DNAL1: variants seen among roughly 807,000 people sequenced by gnomAD.
The protein encoded by DNAL1 is chromosome 14 open reading frame 168.
A neutral mutation model predicts 29.4 loss-of-function variants in DNAL1; 17 were observed. The observed-to-expected ratio is 0.58, with a 90% CI of 0.40 to 0.87. The LOEUF is 0.87. Among genes scored for constraint, DNAL1 ranks in the 40% least tolerant of loss-of-function variants. The pLI, the probability that DNAL1 is intolerant of heterozygous loss-of-function variation, is 0.00. For missense variants in DNAL1, 188 were observed against 214.1 expected, an observed-to-expected ratio of 0.88 and a Z score of 0.76; for synonymous variants, 78 against 76.3, an observed-to-expected ratio of 1.02 and a Z score of -0.12.
At chr14:73,664,137 C>T (rs1430410046) in intron 4 of DNAL1, among the ~76,000 whole-genome samples, 2 of 152,214 alleles carry the variant, frequency 1.3e-5, no homozygotes, top group African/African-American at 4.8e-5. Context: ...CTTATCTGTG[C>T]AGGTGCAGCC....
intron 5 of DNAL1, among the ~76,000 whole-genome samples, chr14:73,684,677 T>G (rs1891970171): frequency 6.6e-6 from 1 of 152,138 alleles, no homozygotes; most frequent in African/African-American, 2.4e-5. Flanking sequence ...CAGGATTGCT[T>G]GAGGCCAGGA....
At chr14:73,670,767 C>T (rs1008097256) in intron 4 of DNAL1, among the ~76,000 whole-genome samples, 2 of 150,466 alleles carry the variant, frequency 1.3e-5, no homozygotes, top group East Asian at 1.9e-4. Flanking sequence ...GATGGATTCT[C>T]GCTCTGTCGC....
At chr14:73,686,436 T>C (rs1892020359) in intron 5 of DNAL1, among the ~76,000 whole-genome samples, 1 of 152,210 alleles carries the variant, frequency 6.6e-6, no homozygotes, top group Non-Finnish European at 1.5e-5. Context: ...CTGGGCACAG[T>C]GGCTCATGCC....
At chr14:73,690,647 C>G (rs1434549390) in intron 7 of DNAL1, among the ~76,000 whole-genome samples, 1 of 147,788 alleles carries the variant, frequency 6.8e-6, no homozygotes. Context: ...AGCGAAACTC[C>G]GTCTCAAAAA....
At chr14:73,646,266 T>G (rs1021131380) in intron 1 of DNAL1, among the ~76,000 whole-genome samples, 2 of 152,330 alleles carry the variant, frequency 1.3e-5, no homozygotes, top group South Asian at 4.1e-4. Context: ...CAGTTATAAG[T>G]CACTTAATGA....
At chr14:73,691,852 C>A (rs1008720586) in intron 7 of DNAL1, among the ~76,000 whole-genome samples, 31 of 140,670 alleles carry the variant, frequency 2.2e-4, no homozygotes, top group Non-Finnish European at 4.3e-4. Flanking sequence ...CGCCACCCCC[C>A]CCCCCCAGCT....
chr14:73,696,021 A>T lies in DNAL1; in HGVS notation c.*79A>T. 1 of 1,356,454 alleles carries T rather than the reference A, an allele frequency of 7.4e-7. No homozygotes were observed. The highest frequency in any genetic ancestry group is 1.0e-6 in the Non-Finnish European group (1 of 987,682). The allele number at this position is 1,356,454 out of a possible 1,614,324, so 84.0% of individuals were successfully genotyped here. ...TAAATTTTATATAATTGTCTATTTTAAAGATTCTGTATGGGACAAAAGTTT... is the reference window on the plus strand; with the variant it reads ...TAAATTTTATATAATTGTCTATTTTTAAGATTCTGTATGGGACAAAAGTTT... On this transcript the variant is annotated 3_prime_UTR_variant, in exon 8 of 8. Transcript: ENST00000553645.
chr14:73,687,936 A>G (rs1199898464), intron 6 of DNAL1, among the ~76,000 whole-genome samples: 1 of 152,192 alleles, frequency 6.6e-6, no homozygotes, highest in Non-Finnish European at 1.5e-5. Flanking sequence ...ATGTATACAT[A>G]CGTAACAAAC....
At chr14:73,649,741 T>G (rs1369987114) in intron 1 of DNAL1, among the ~76,000 whole-genome samples, 4 of 152,166 alleles carry the variant, frequency 2.6e-5, no homozygotes, top group African/African-American at 9.7e-5. Context: ...AATTGTTACC[T>G]TCTAATATAC....
chr14:73,652,153 A>G (rs1891126567), intron 1 of DNAL1, among the ~76,000 whole-genome samples: 1 of 152,058 alleles, frequency 6.6e-6, no homozygotes, highest in African/African-American at 2.4e-5. Flanking sequence ...CTCCCGCCTC[A>G]GCCCCTGCCC....
Position 73,658,876 on chromosome 14 carries a change from A to T in DNAL1, c.72A>T (p.Glu24Asp). 2 of 1,603,704 alleles carry T rather than the reference A, an allele frequency of 1.2e-6. No homozygotes were observed. The highest frequency in any genetic ancestry group is 4.5e-5 in the East Asian group (2 of 44,394). ...WEEKTGQRPS[E>D]AKEIKLYAQI... ...AGAAAACTGGCCAGAGGCCATCTGA[A>T]GCCAAAGAGATAAAACTTTATGCCC... is the stretch of plus-strand genomic sequence containing the variant. The change falls in exon 3 of 8, where the codon GAA (glutamate) becomes GAT (aspartate). Residue 24 changes from glutamate (E) to aspartate (D), a missense_variant. Coordinates refer to ENST00000553645, the MANE Select transcript of DNAL1 (RefSeq NM_031427.4).
chr14:73,655,023 C>A, intron 2 of DNAL1, 138 bp downstream of exon 2: 1 of 817,900 alleles, frequency 1.2e-6, no homozygotes, highest in Non-Finnish European at 1.9e-6. Flanking sequence ...GTGGTGGATG[C>A]ATGAACTTAC....
rs762585015 is a variant in DNAL1 at position 73,654,851 on chromosome 14, A to C, written c.8A>C (p.Lys3Thr). The change falls in exon 2 of 8, where the codon AAA (lysine) becomes ACA (threonine). Residue 3 changes from lysine (K) to threonine (T), a missense_variant. By Grantham distance (78) the Lys-to-Thr change is moderately conservative (BLOSUM62 -1). Transcript: ENST00000553645. ...TTCTTTTTTTTTTTTTTAAAGGCGA[A>C]AGCAACAACAATCAAAGAAGCCTTA... MA[K>T]ATTIKEALAR... 5.9e-6 allele frequency: 9 copies of C among 1,524,216 alleles called. No individual in the cohort carries two copies. Among genetic ancestry groups the C allele is most frequent in the Non-Finnish European group, 7.9e-6 (9 of 1,140,220 alleles). The allele number at this position is 1,524,216 out of a possible 1,614,324, so 94.4% of individuals were successfully genotyped here. A position where few individuals can be genotyped will look rare whatever the true frequency, so the allele number is the denominator to read the frequency against.
intron 1 of DNAL1, 125 bp from the exon 2 acceptor site, chr14:73,654,722 G>A: frequency 1.2e-6 from 1 of 816,486 alleles, no homozygotes; most frequent in South Asian, 2.2e-5. Context: ...TCATGCCATT[G>A]CACTCCAGCC....
rs1408742364 is a variant in DNAL1 at position 73,695,657 on chromosome 14, G to A, written c.533-245G>A. Reference sequence around the variant, plus strand: ...CGATTCTCCTGCCTCAGCCTCCCAAGTAACTGGGATTACAACCGCCCGCCA... The same window carrying A: ...CGATTCTCCTGCCTCAGCCTCCCAAATAACTGGGATTACAACCGCCCGCCA... On this transcript the variant is annotated intron_variant, in intron 7 of 7. Coordinates refer to ENST00000553645, the MANE Select transcript of DNAL1 (RefSeq NM_031427.4). Among the ~76,000 whole-genome samples the A allele has an allele frequency of 3.3e-5, 5 of 151,882 alleles. No homozygotes were observed. In the East Asian group the frequency reaches 9.7e-4, roughly 29 times the overall value.
intron 5 of DNAL1, among the ~76,000 whole-genome samples, chr14:73,674,128 GTA>G (rs1891675459): frequency 6.6e-6 from 1 of 152,114 alleles, no homozygotes; most frequent in African/African-American, 2.4e-5. Flanking sequence ...AAACCCATTT[GTA>G]TATATGATCT....
intron 5 of DNAL1, among the ~76,000 whole-genome samples, chr14:73,677,552 T>A (rs1891765203): frequency 6.7e-6 from 1 of 149,062 alleles, no homozygotes; most frequent in African/African-American, 2.4e-5. Flanking sequence ...ATATATTTAT[T>A]TATTTATTTA....
At chr14:73,687,539 G>A (rs1004722556) in intron 6 of DNAL1, among the ~76,000 whole-genome samples, 154 bp downstream of exon 6, 3 of 152,174 alleles carry the variant, frequency 2.0e-5, no homozygotes, top group African/African-American at 7.2e-5. Context: ...AGCAATAGGA[G>A]TTTCTAAATT....
intron 4 of DNAL1, among the ~76,000 whole-genome samples, chr14:73,671,045 A>AT (rs1430614319): frequency 1.3e-5 from 2 of 152,160 alleles, no homozygotes; most frequent in Admixed American, 1.3e-4. Flanking sequence ...CAGGCATTTT[A>AT]TTTTTTAACC....
Sources: gnomAD v4.1 joint callset for allele counts (sites outside exome capture counted in the v4.1 genomes callset) on GRCh38, gnomAD v4.1.1 for gene constraint, MANE v1.5 for transcripts, NCBI Gene and HGNC (gene_info 2026-07-23, HGNC 2026-07-21) for gene names.